Variants in LRRTM4 observed in about 807,000 individuals in gnomAD.
LRRTM4 encodes leucine rich repeat transmembrane neuronal 4.
In LRRTM4, 25 loss-of-function variants were observed where a neutral mutation model predicts 47.6. The ratio of observed to expected loss-of-function variants is 0.53; its 90% CI spans 0.38 to 0.73. The LOEUF (loss-of-function observed/expected upper bound fraction) is 0.73, where lower values mean the gene tolerates loss of function less well. Ranked by LOEUF, LRRTM4 falls within the 30% of genes least tolerant of loss-of-function variation. LRRTM4 has a pLI of 0.00. For missense variants in LRRTM4, 638 were observed against 713.4 expected, an observed-to-expected ratio of 0.89 and a Z score of 1.20; for synonymous variants, 311 against 269.5, an observed-to-expected ratio of 1.15 and a Z score of -1.51.
chr2:77,441,258 T>G (rs187236007), intron 3 of LRRTM4, among the ~76,000 whole-genome samples: 7 of 152,196 alleles, frequency 4.6e-5, no homozygotes, highest in African/African-American at 1.2e-4. Flanking sequence ...TTAAAAACTT[T>G]AAATGTTTTT....
chr2:77,340,174 A>T (rs1419761292), intron 3 of LRRTM4, among the ~76,000 whole-genome samples: 1 of 151,944 alleles, frequency 6.6e-6, no homozygotes, highest in East Asian at 1.9e-4. Context: ...GTTTGGTATC[A>T]CTAAAATATA....
intron 3 of LRRTM4, among the ~76,000 whole-genome samples, chr2:77,494,113 A>G (rs1009229822): frequency 6.6e-6 from 1 of 152,164 alleles, no homozygotes; most frequent in African/African-American, 2.4e-5. Context: ...AAACATCACA[A>G]ACTGGGAGAA....
intron 3 of LRRTM4, among the ~76,000 whole-genome samples, chr2:77,189,679 G>T (rs1673610314): frequency 6.6e-6 from 1 of 152,114 alleles, no homozygotes. Flanking sequence ...AGCTAAATGT[G>T]TGTTGTTTAA....
intron 3 of LRRTM4, among the ~76,000 whole-genome samples, chr2:77,005,707 G>C (rs1677617720): frequency 6.6e-6 from 1 of 152,164 alleles, no homozygotes; most frequent in South Asian, 2.1e-4. Flanking sequence ...TACCATGTAA[G>C]ACATGACTTT....
chr2:77,000,581 AG>A lies in LRRTM4; in HGVS notation c.1552-251666del, dbSNP rs530417093. The stretch of plus-strand genomic sequence containing the variant: ...GCACAGTATTGCCCATTGGTAGAAG[AG>A]GATGCCCTAAGTAAGATGAAGTGGA... On this transcript the variant is annotated intron_variant, in intron 3 of 3. Coordinates refer to ENST00000409884, the MANE Select transcript of LRRTM4 (RefSeq NM_001134745.3). 9.2e-4 allele frequency among the ~76,000 whole-genome samples: 140 copies of A among 152,306 alleles called. 1 individual carries two copies. In the Middle Eastern group the frequency reaches 0.01, roughly 11 times the overall value.
chr2:76,811,759 A>G (rs936159002), intron 3 of LRRTM4, among the ~76,000 whole-genome samples: 2 of 152,128 alleles, frequency 1.3e-5, no homozygotes, highest in Non-Finnish European at 2.9e-5. Context: ...AAGTCATCTC[A>G]TTTTTATTTT....
intron 3 of LRRTM4, among the ~76,000 whole-genome samples, chr2:76,943,168 A>T (rs1020336122): frequency 6.6e-6 from 1 of 152,174 alleles, no homozygotes; most frequent in Non-Finnish European, 1.5e-5. Context: ...TGAAATCTCC[A>T]AATCCTCAAA....
In LRRTM4 at chr2:77,179,868, A is replaced by T. The variant is rs141053990; in HGVS notation, c.1551+338450T>A. Among the ~76,000 whole-genome samples, 956 of 152,270 alleles carry T rather than the reference A, an allele frequency of 6.3e-3. 2 individuals carry two copies. Among genetic ancestry groups the T allele is most frequent in the Admixed American group, 9.5e-3 (145 of 15,282 alleles). ...CGCAAATTTCTCTGACCTTTAGAAA[A>T]ACAAAAGTAAAAATTCACCAAGAAA... On this transcript the variant is annotated intron_variant, in intron 3 of 3. Coordinates refer to ENST00000409884, the MANE Select transcript of LRRTM4 (RefSeq NM_001134745.3).
intron 3 of LRRTM4, among the ~76,000 whole-genome samples, chr2:76,769,486 G>T (rs564703486): frequency 1.8e-4 from 27 of 151,728 alleles, no homozygotes; most frequent in Middle Eastern, 3.4e-3. Flanking sequence ...AATGAATTTC[G>T]GATTTGAGAC....
chr2:77,224,135 G>A (rs931455932), intron 3 of LRRTM4, among the ~76,000 whole-genome samples: 4 of 151,470 alleles, frequency 2.6e-5, no homozygotes, highest in African/African-American at 9.7e-5. Flanking sequence ...AATAAATGGT[G>A]CTGGGAAAAC....
intron 3 of LRRTM4, among the ~76,000 whole-genome samples, chr2:77,451,073 T>C (rs1676236724): frequency 6.6e-6 from 1 of 152,184 alleles, no homozygotes; most frequent in South Asian, 2.1e-4. Flanking sequence ...GAGAGTATCA[T>C]ATCCACATTT....
intron 3 of LRRTM4, among the ~76,000 whole-genome samples, chr2:76,870,457 A>G (rs949924114): frequency 6.6e-6 from 1 of 152,172 alleles, no homozygotes; most frequent in Non-Finnish European, 1.5e-5. Context: ...TACTGGGGGA[A>G]AAAAGGAAAA....
chr2:77,501,590 C>T (rs931893231), intron 3 of LRRTM4, among the ~76,000 whole-genome samples: 3 of 150,068 alleles, frequency 2.0e-5, no homozygotes, highest in Non-Finnish European at 4.5e-5. Flanking sequence ...AATCTTTGTA[C>T]CATACAATAA....
chr2:76,909,639 A>C (rs1298966696), intron 3 of LRRTM4, among the ~76,000 whole-genome samples: 1 of 152,072 alleles, frequency 6.6e-6, no homozygotes, highest in Non-Finnish European at 1.5e-5. Flanking sequence ...AACTCAAACA[A>C]ATTTACAAGA....
intron 3 of LRRTM4, among the ~76,000 whole-genome samples, chr2:76,946,854 G>A (rs1271894451): frequency 6.6e-6 from 1 of 151,816 alleles, no homozygotes; most frequent in African/African-American, 2.4e-5. Context: ...ATTCAATATG[G>A]AAGAAATTAT....
chr2:77,371,268 A>G (rs1040133600), intron 3 of LRRTM4, among the ~76,000 whole-genome samples: 2 of 151,808 alleles, frequency 1.3e-5, no homozygotes, highest in Non-Finnish European at 2.9e-5. Flanking sequence ...AGAGCAACTT[A>G]ATTCTGCCAA....
intron 3 of LRRTM4, among the ~76,000 whole-genome samples, chr2:77,290,921 G>A (rs1676806428): frequency 6.6e-6 from 1 of 152,080 alleles, no homozygotes. Flanking sequence ...TTAGTGCCCT[G>A]TGATCTTCCA....
chr2:77,514,652 A>G (rs74466258), intron 3 of LRRTM4, among the ~76,000 whole-genome samples: 2,804 of 152,120 alleles, frequency 0.018, 73 homozygotes, highest in African/African-American at 0.062. Flanking sequence ...TTACTTAACT[A>G]TTGAAACACT....
chr2:77,021,470 T>C (rs935426747), intron 3 of LRRTM4, among the ~76,000 whole-genome samples: 3 of 152,144 alleles, frequency 2.0e-5, no homozygotes, highest in Non-Finnish European at 4.4e-5. Context: ...CCATGTGACA[T>C]ATTTTGGTCA....
Sources: allele counts gnomAD v4.1 joint callset (sites outside exome capture counted in the v4.1 genomes callset), GRCh38; gene constraint gnomAD v4.1.1; transcripts MANE v1.5; gene names NCBI Gene and HGNC (gene_info 2026-07-23, HGNC 2026-07-21).